The following LRRC20 variants were observed in gnomAD, a reference collection of about 807,000 sequenced individuals.
LRRC20 encodes the protein leucine-rich repeat-containing protein 20.
Under a neutral mutation model 14.4 loss-of-function variants are expected in LRRC20, and 11 were observed. That is an observed-to-expected ratio of 0.77 (90% CI 0.48 to 1.27). LRRC20 has a LOEUF of 1.27. Ranked by LOEUF, LRRC20 falls within the 50% of genes most tolerant of loss-of-function variation. The pLI is 0.00. For missense variants in LRRC20, 219 were observed against 251.2 expected (o/e 0.87, Z 0.87); for synonymous variants, 121 against 107.3 (o/e 1.13, Z -0.79).
At chr10:70,304,133 C>T (rs1005667939) in intron 4 of LRRC20, among the ~76,000 whole-genome samples, 5 of 152,064 alleles carry the variant, frequency 3.3e-5, no homozygotes, top group African/African-American at 7.2e-5. Context: ...AACACTAGGA[C>T]GCTTGCCCTC....
At chr10:70,352,912 C>T (rs762340489) in intron 2 of LRRC20, among the ~76,000 whole-genome samples, 11 of 152,170 alleles carry the variant, frequency 7.2e-5, no homozygotes, top group Middle Eastern at 3.4e-3. Flanking sequence ...CCCTATTTTC[C>T]CATCCCCCAG....
intron 2 of LRRC20, among the ~76,000 whole-genome samples, chr10:70,341,516 C>G (rs1842911664): frequency 6.6e-6 from 1 of 152,150 alleles, no homozygotes; most frequent in South Asian, 2.1e-4. Flanking sequence ...GCCTGTAATC[C>G]CAGCACTTTG....
chr10:70,367,799 C>T (rs1844071183), intron 2 of LRRC20, among the ~76,000 whole-genome samples: 1 of 151,302 alleles, frequency 6.6e-6, no homozygotes, highest in Non-Finnish European at 1.5e-5. Context: ...CAACTATATA[C>T]TAAAAAGGGT....
chr10:70,340,258 C>A (rs1337786020), intron 3 of LRRC20, among the ~76,000 whole-genome samples: 1 of 152,278 alleles, frequency 6.6e-6, no homozygotes, highest in East Asian at 1.9e-4. Context: ...ATAACAACTC[C>A]CAGGGCCTCA....
chr10:70,368,203 G>A (rs1272053505), intron 2 of LRRC20, among the ~76,000 whole-genome samples: 3 of 142,816 alleles, frequency 2.1e-5, no homozygotes, highest in African/African-American at 8.0e-5. Flanking sequence ...TGTCGCCCAG[G>A]CTGAAGTGCA....
chr10:70,376,570 G>T lies in LRRC20; in HGVS notation c.-37C>A. 1.9e-6 allele frequency: 3 copies of T among 1,600,420 alleles called. No homozygotes were observed. Among genetic ancestry groups the T allele is most frequent in the Non-Finnish European group, 2.6e-6 (3 of 1,171,504 alleles). On this transcript the variant is annotated 5_prime_UTR_variant, in exon 2 of 5. Coordinates refer to ENST00000446961, the MANE Select transcript of LRRC20 (RefSeq NM_001278212.2). ...TGTCCTGCCGCCAGCCCCCAGGCTG[G>T]TCTGCTTCTCACAAAAGGGCCTGAG...
intron 2 of LRRC20, among the ~76,000 whole-genome samples, chr10:70,370,983 G>A (rs928988743): frequency 5.3e-5 from 8 of 152,126 alleles, no homozygotes; most frequent in African/African-American, 1.7e-4. Context: ...TTGCGCCACT[G>A]CACTCCAGCC....
chr10:70,374,318 G>A (rs889918532), intron 2 of LRRC20, among the ~76,000 whole-genome samples: 1 of 149,574 alleles, frequency 6.7e-6, no homozygotes, highest in African/African-American at 2.5e-5. Flanking sequence ...TCTGAATGAA[G>A]TGGAGCTGCT....
intron 1 of LRRC20, among the ~76,000 whole-genome samples, chr10:70,379,914 A>G (rs1231721289): frequency 6.6e-6 from 1 of 152,088 alleles, no homozygotes; most frequent in East Asian, 1.9e-4. Context: ...GGAGCACACA[A>G]CCTAGATCCA....
At chr10:70,340,119 TC>T (rs1842861370) in intron 3 of LRRC20, among the ~76,000 whole-genome samples, 1 of 139,160 alleles carries the variant, frequency 7.2e-6, no homozygotes. Context: ...AGATTCCATC[TC>T]AAAAAAAAAA....
rs187288041 is a variant in LRRC20 at position 70,345,688 on chromosome 10, A to T, written c.83-4986T>A. ...AATATATAGCTCCTGATGTGTTTCC[A>T]AATTGCTTTCCAGAATATTTATGCC... is the stretch of plus-strand genomic sequence containing the variant. On this transcript the variant is annotated intron_variant, in intron 2 of 4. Transcript: ENST00000446961. Among the ~76,000 whole-genome samples the T allele has an allele frequency of 8.2e-4, 125 of 152,340 alleles. 1 individual carries two copies. The South Asian group carries it at 0.013, about 16-fold the overall frequency.
intron 3 of LRRC20, among the ~76,000 whole-genome samples, chr10:70,327,093 T>C (rs560215817): frequency 1.2e-4 from 18 of 152,336 alleles, no homozygotes; most frequent in Admixed American, 1.0e-3. Context: ...GTTGGGAGCT[T>C]GCCCCTGTCT....
At chr10:70,371,200 G>A (rs1401392554) in intron 2 of LRRC20, among the ~76,000 whole-genome samples, 1 of 151,756 alleles carries the variant, frequency 6.6e-6, no homozygotes, top group Non-Finnish European at 1.5e-5. Context: ...GCAGTGGCCC[G>A]ATCATGGCTC....
intron 3 of LRRC20, among the ~76,000 whole-genome samples, chr10:70,335,153 C>CTTTCTG (rs1842683171): frequency 6.6e-6 from 1 of 152,164 alleles, no homozygotes; most frequent in Non-Finnish European, 1.5e-5. Flanking sequence ...AGAACACACA[C>CTTTCTG]TTGGGGAAAC....
Position 70,300,635 on chromosome 10 carries a change from C to T in LRRC20, c.*719G>A, listed in dbSNP as rs1841135114. The T allele has an allele frequency of 3.0e-6, 3 of 985,574 alleles. No individual in the cohort carries two copies. The South Asian group carries it at 1.4e-4, about 46-fold the overall frequency. The allele number at this position is 985,574 out of a possible 1,614,324, so 61.1% of individuals were successfully genotyped here. On this transcript the variant is annotated 3_prime_UTR_variant, in exon 5 of 5. Coordinates refer to ENST00000446961, the MANE Select transcript of LRRC20 (RefSeq NM_001278212.2). ...GAGGGACGGAGCACTCAGGACTTCC[C>T]ACCCCGCCAATTTGTTAACTGTGGG...
At chr10:70,375,389 A>G (rs1365696962) in intron 2 of LRRC20, among the ~76,000 whole-genome samples, 2 of 152,134 alleles carry the variant, frequency 1.3e-5, no homozygotes, top group Non-Finnish European at 2.9e-5. Context: ...AAGGGAGCAA[A>G]GGGTGGATGA....
intron 4 of LRRC20, among the ~76,000 whole-genome samples, chr10:70,309,373 G>A (rs142925038): frequency 9.2e-5 from 14 of 152,260 alleles, no homozygotes; most frequent in African/African-American, 3.1e-4. Context: ...TCAGTTTCTT[G>A]ATGCCCAAGG....
chr10:70,304,470 T>TTATATATATA (rs57284629), intron 4 of LRRC20, among the ~76,000 whole-genome samples: 1,162 of 113,568 alleles, frequency 0.01, 16 homozygotes, highest in Non-Finnish European at 0.013. Flanking sequence ...GGCCACTTCT[T>TTATATATATA]TATATATATA....
chr10:70,322,343 G>C (rs1260869727), intron 4 of LRRC20, among the ~76,000 whole-genome samples: 1 of 152,216 alleles, frequency 6.6e-6, no homozygotes, highest in Admixed American at 6.5e-5. Flanking sequence ...ATTTGGATGA[G>C]CAGCAGAAGG....
Sources: allele counts gnomAD v4.1 joint callset (sites outside exome capture counted in the v4.1 genomes callset), GRCh38; gene constraint gnomAD v4.1.1; transcripts MANE v1.5; gene names NCBI Gene and HGNC (gene_info 2026-07-23, HGNC 2026-07-21).